CNTN1: variants seen among roughly 807,000 people sequenced by gnomAD.
CNTN1 encodes the protein contactin 1.
In CNTN1, 38 loss-of-function variants were observed where a neutral mutation model predicts 126.4. That is an observed-to-expected ratio of 0.30 (90% CI 0.23 to 0.39). The LOEUF is 0.39. CNTN1 is among the 10% of genes least tolerant of loss of function. The pLI is 1.00. For missense variants in CNTN1, 1,009 were observed against 1,248.4 expected (o/e 0.81, Z 2.89); for synonymous variants, 413 against 422.6 (o/e 0.98, Z 0.28).
At position 40,925,558 on chromosome 12, in the gene CNTN1, C is replaced by CGTATAT. The variant is rs1555181780; in HGVS notation, c.496+906_496+907insGTATAT. On this transcript the variant is annotated intron_variant, in intron 6 of 23. Transcript: ENST00000551295. ...GTGTGTGTGTGTGTGTATATATATACACGTATATATACGTATATACGTATA... is the reference window on the plus strand; with the variant it reads ...GTGTGTGTGTGTGTGTATATATATACGTATATACGTATATATACGTATATACGTATA... Among the ~76,000 whole-genome samples the CGTATAT allele has an allele frequency of 7.3e-5, 9 of 123,310 alleles. No individual in the cohort carries two copies. In the East Asian group the frequency reaches 1.8e-3, roughly 25 times the overall value. 80.9% of individuals were successfully genotyped at this position (123,310 alleles called of 152,430 possible).
intron 3 of CNTN1, among the ~76,000 whole-genome samples, chr12:40,917,227 T>C (rs528775242): frequency 6.6e-6 from 1 of 152,152 alleles, no homozygotes; most frequent in East Asian, 1.9e-4. Context: ...ATAGCTTATA[T>C]ACATAAGAAA....
chr12:41,066,204 ATAT>A (rs1303108796), intron 23 of CNTN1, among the ~76,000 whole-genome samples: 2 of 152,232 alleles, frequency 1.3e-5, no homozygotes, highest in African/African-American at 4.8e-5. Context: ...TGAATTTTTA[ATAT>A]TATCTCTTTA....
intron 1 of CNTN1, among the ~76,000 whole-genome samples, chr12:40,815,864 T>C (rs115822038): frequency 0.023 from 3,464 of 152,326 alleles, 128 homozygotes; most frequent in African/African-American, 0.078. Flanking sequence ...CATGAAGCGA[T>C]GTTGAATTTT....
intron 1 of CNTN1, among the ~76,000 whole-genome samples, chr12:40,901,237 T>C (rs1944593463): frequency 6.6e-6 from 1 of 152,230 alleles, no homozygotes; most frequent in African/African-American, 2.4e-5. Flanking sequence ...CTCTATGTTT[T>C]AGTAGTTTTT....
chr12:40,929,838 T>C lies in CNTN1; in HGVS notation c.539T>C (p.Phe180Ser). Residue 180 changes from phenylalanine to serine, a missense_variant, in exon 7 of 24, where the codon TTT (phenylalanine) becomes TCT (serine). Transcript: ENST00000551295. ...TGGCTTCTAAATGAATTTCCTGTAT[T>C]TATCACAATGGATAAACGGCGATTT... ...YRWLLNEFPV[F>S]ITMDKRRFVS... 1 of 1,612,518 alleles carries C rather than the reference T, an allele frequency of 6.2e-7. No individual in the cohort carries two copies. The highest frequency in any genetic ancestry group is 8.5e-7 in the Non-Finnish European group (1 of 1,178,970).
At chr12:40,919,216 A>G (rs923420810) in intron 4 of CNTN1, among the ~76,000 whole-genome samples, 3 of 152,190 alleles carry the variant, frequency 2.0e-5, no homozygotes, top group African/African-American at 7.2e-5. Flanking sequence ...AGAAAGCACC[A>G]TATTTTTCAA....
In CNTN1 at chr12:41,016,821, GC is replaced by G; in HGVS notation, c.2327del (p.Pro776LeufsTer22). The G allele has an allele frequency of 6.2e-7, 1 of 1,614,036 alleles. No individual in the cohort carries two copies. Among genetic ancestry groups the G allele is most frequent in the Non-Finnish European group, 8.5e-7 (1 of 1,179,984 alleles). ...GRYVHKDETMSPSTAFQVKVK... is the reference protein window; with the variant it reads ...GRYVHKDETMXPSTAFQVKVK... ...TATGTCCATAAAGATGAAACCATGAGCCCTTCCACTGCATTTCAAGTTAAAG... is the reference window on the plus strand; with the variant it reads ...TATGTCCATAAAGATGAAACCATGAGCCTTCCACTGCATTTCAAGTTAAAG... On this transcript the variant is annotated frameshift_variant, in exon 19 of 24. Transcript: ENST00000551295. LOFTEE classifies it high-confidence loss of function.
chr12:40,874,422 C>T (rs941529653), intron 1 of CNTN1, among the ~76,000 whole-genome samples: 9 of 152,008 alleles, frequency 5.9e-5, no homozygotes, highest in Admixed American at 2.0e-4. Flanking sequence ...TTTTGTAGCT[C>T]AGTATTTATC....
chr12:41,042,057 T>G (rs1336492483), intron 23 of CNTN1, among the ~76,000 whole-genome samples: 4 of 152,170 alleles, frequency 2.6e-5, no homozygotes, highest in African/African-American at 9.6e-5. Context: ...GCATTTAGTA[T>G]TATAAATTTC....
At chr12:41,041,725 A>G (rs2571251) in intron 23 of CNTN1, among the ~76,000 whole-genome samples, 96,096 of 151,944 alleles carry the variant, frequency 0.63, 31,843 homozygotes, top group African/African-American at 0.84. Flanking sequence ...GGTATTCTCC[A>G]ATGGTAGTTT....
intron 1 of CNTN1, among the ~76,000 whole-genome samples, chr12:40,891,368 A>G (rs1465545632): frequency 6.6e-6 from 1 of 152,110 alleles, no homozygotes; most frequent in East Asian, 1.9e-4. Context: ...AATTTTAATG[A>G]AGTCCTGCTT....
chr12:40,840,187 G>A (rs1592144782), intron 1 of CNTN1, among the ~76,000 whole-genome samples: 1 of 151,670 alleles, frequency 6.6e-6, no homozygotes, highest in Non-Finnish European at 1.5e-5. Context: ...AAGCAAGCAG[G>A]AATAGCTACA....
chr12:40,828,612 G>C (rs1262161215), intron 1 of CNTN1, among the ~76,000 whole-genome samples: 2 of 152,174 alleles, frequency 1.3e-5, no homozygotes, highest in Non-Finnish European at 2.9e-5. Flanking sequence ...ACCTCCTTGT[G>C]GGGAAGTTTT....
chr12:41,050,304 T>G (rs1949642908), intron 23 of CNTN1, among the ~76,000 whole-genome samples: 1 of 152,198 alleles, frequency 6.6e-6, no homozygotes, highest in Non-Finnish European at 1.5e-5. Flanking sequence ...AACTGGGTAA[T>G]TTATAAAGAA....
chr12:40,703,364 G>A (rs1941649172), intron 1 of CNTN1, among the ~76,000 whole-genome samples: 1 of 152,090 alleles, frequency 6.6e-6, no homozygotes, highest in African/African-American at 2.4e-5. Context: ...TGGATCCTAA[G>A]TTAAACTCCC....
chr12:40,856,809 A>G (rs1157868088), intron 1 of CNTN1, among the ~76,000 whole-genome samples: 3 of 152,080 alleles, frequency 2.0e-5, no homozygotes, highest in Non-Finnish European at 2.9e-5. Context: ...GAGGTAATCC[A>G]TACACAAAAA....
At chr12:40,700,708 G>C (rs1378448433) in intron 1 of CNTN1, among the ~76,000 whole-genome samples, 1 of 151,736 alleles carries the variant, frequency 6.6e-6, no homozygotes, top group East Asian at 1.9e-4. Flanking sequence ...AAACAGATGG[G>C]TACTTAGTAA....
intron 23 of CNTN1, among the ~76,000 whole-genome samples, chr12:41,035,732 A>G (rs868236231): frequency 6.6e-5 from 10 of 152,248 alleles, no homozygotes; most frequent in Middle Eastern, 3.4e-3. Flanking sequence ...CCATATGACA[A>G]AAGTGTGGGT....
intron 6 of CNTN1, among the ~76,000 whole-genome samples, chr12:40,925,800 T>TTATATATATATATATATATATA (rs370971706): frequency 2.3e-4 from 27 of 116,558 alleles, no homozygotes; most frequent in African/African-American, 9.1e-4. Context: ...ACTATTGAAA[T>TTATATATATATATATATATATA]TATATATATA....
Sources: allele counts gnomAD v4.1 joint callset (sites outside exome capture counted in the v4.1 genomes callset), GRCh38; gene constraint gnomAD v4.1.1; transcripts MANE v1.5; gene names NCBI Gene and HGNC (gene_info 2026-07-23, HGNC 2026-07-21).